FLNB: variants seen among roughly 807,000 people sequenced by gnomAD.
FLNB encodes the protein filamin-B.
In FLNB, 111 loss-of-function variants were observed where a neutral mutation model predicts 250.6. The ratio of observed to expected loss-of-function variants is 0.44; its 90% CI spans 0.38 to 0.52. The LOEUF is 0.52. Ranked by LOEUF, FLNB falls within the 20% of genes least tolerant of loss-of-function variation. The pLI, the probability that FLNB is intolerant of heterozygous loss-of-function variation, is 0.00. For missense variants in FLNB, 2,869 were observed against 3,447.8 expected (o/e 0.83, Z 4.20); for synonymous variants, 1,302 against 1,372.1 (o/e 0.95, Z 1.13).
chr3:58,169,422 TA>T lies in FLNB; in HGVS notation c.7418-167del. The T allele has an allele frequency of 1.5e-6, 1 of 668,598 alleles. No individual in the cohort carries two copies. Among genetic ancestry groups the T allele is most frequent in the Non-Finnish European group, 2.7e-6 (1 of 364,534 alleles). The allele number at this position is 668,598 out of a possible 1,614,324, so 41.4% of individuals were successfully genotyped here. On this transcript the variant is annotated intron_variant, in intron 44 of 45. Transcript: ENST00000295956. The surrounding 1 kb of genome is among the most constrained non-coding windows in gnomAD (Gnocchi z 4.8). ...TCCTAGTTGTATGGGGGTGGGATCCTAGGGGTTTAGAAGACATTATGGGTGT... is the reference window on the plus strand; with the variant it reads ...TCCTAGTTGTATGGGGGTGGGATCCTGGGGTTTAGAAGACATTATGGGTGT...
In FLNB at chr3:58,139,878, A is replaced by G. The variant is rs2097323615; in HGVS notation, c.5109+1349A>G. Among the ~76,000 whole-genome samples, 3 of 152,312 alleles carry G rather than the reference A, an allele frequency of 2.0e-5. No homozygotes were observed. The South Asian group carries it at 6.2e-4, about 32-fold the overall frequency. On this transcript the variant is annotated intron_variant, in intron 29 of 45. Transcript: ENST00000295956. ...TGATTTGGGGGTAAGAGAAGACCAT[A>G]TTGGGAAGGTCTACGTGAGAAAGTC...
At chr3:58,109,505 A>T in intron 14 of FLNB, 71 bp from the exon 15 acceptor site, 4 of 1,612,292 alleles carry the variant, frequency 2.5e-6, no homozygotes, top group Non-Finnish European at 3.4e-6. Flanking sequence ...ATTTCTAACA[A>T]TGTTTTTTAA....
At chr3:58,080,231 T>C (rs150041000) in intron 3 of FLNB, among the ~76,000 whole-genome samples, 115 of 152,308 alleles carry the variant, frequency 7.6e-4, no homozygotes, top group East Asian at 7.7e-4. Context: ...TTTTATCACA[T>C]GGGGAGGGAA....
chr3:58,123,618 G>A lies in FLNB; in HGVS notation c.3652G>A (p.Ala1218Thr), dbSNP rs370716086. ...TGGCGAACTCGTGCCACACTTCCCCGCCCGGGTCAAGGTGGAGCCCGCCGT... is the reference window on the plus strand; with the variant it reads ...TGGCGAACTCGTGCCACACTTCCCCACCCGGGTCAAGGTGGAGCCCGCCGT... ...YGGELVPHFPARVKVEPAVDT... is the reference protein window; with the variant it reads ...YGGELVPHFPTRVKVEPAVDT... Residue 1218 changes from alanine to threonine, a missense_variant, in exon 21 of 46, where the codon GCC becomes ACC. Coordinates refer to ENST00000295956, the MANE Select transcript of FLNB (RefSeq NM_001457.4). 2.9e-5 allele frequency: 46 copies of A among 1,611,566 alleles called. 1 individual carries two copies. Among genetic ancestry groups the A allele is most frequent in the African/African-American group, 8.1e-5 (6 of 74,424 alleles).
intron 1 of FLNB, among the ~76,000 whole-genome samples, chr3:58,070,009 G>A (rs889471745): frequency 7.3e-5 from 11 of 151,438 alleles, no homozygotes; most frequent in African/African-American, 2.4e-4. Context: ...ATTATTAAGC[G>A]GCCAACTGTG....
chr3:58,055,874 T>A (rs544015499), intron 1 of FLNB, among the ~76,000 whole-genome samples: 1 of 152,172 alleles, frequency 6.6e-6, no homozygotes, highest in East Asian at 1.9e-4. Flanking sequence ...TATTAAAATG[T>A]GTAATAACAA....
At chr3:58,145,151 A>G (rs1330726188) in intron 32 of FLNB, among the ~76,000 whole-genome samples, 3 of 152,226 alleles carry the variant, frequency 2.0e-5, no homozygotes, top group Admixed American at 1.3e-4. Flanking sequence ...TGTCTTTCTC[A>G]CATCTGCCAT....
At chr3:58,149,544 G>C in intron 36 of FLNB, 1 of 447,146 alleles carries the variant, frequency 2.2e-6, no homozygotes, top group Non-Finnish European at 4.1e-6. Context: ...ACTTGGAGGC[G>C]TGAGGGCAGA....
chr3:58,153,764 A>AC, intron 39 of FLNB, 123 bp downstream of exon 39: 1 of 1,130,350 alleles, frequency 8.8e-7, no homozygotes, highest in East Asian at 2.5e-5. Flanking sequence ...CATTAAGGGC[A>AC]TTATTTAAAA....
intron 33 of FLNB, 72 bp from the exon 34 acceptor site, chr3:58,146,748 T>C: frequency 6.5e-7 from 1 of 1,536,392 alleles, no homozygotes; most frequent in Non-Finnish European, 9.0e-7. Flanking sequence ...CCTGGATGAG[T>C]TGTTAAAAGG....
chr3:58,012,607 G>A (rs1425474418), intron 1 of FLNB, among the ~76,000 whole-genome samples: 1 of 152,206 alleles, frequency 6.6e-6, no homozygotes, highest in East Asian at 1.9e-4. Context: ...AAATAGGGAT[G>A]TCAGGGCCTT....
chr3:58,094,606 C>T (rs916470329), intron 4 of FLNB, among the ~76,000 whole-genome samples: 4 of 152,322 alleles, frequency 2.6e-5, no homozygotes, highest in South Asian at 4.1e-4. Context: ...ATATAGACTC[C>T]TGACTGAGGT....
At chr3:58,158,421 G>A (rs1005830802) in intron 41 of FLNB, among the ~76,000 whole-genome samples, 2 of 152,208 alleles carry the variant, frequency 1.3e-5, no homozygotes, top group African/African-American at 2.4e-5. Flanking sequence ...TTAGGACCTT[G>A]CCATGAAGAT....
chr3:58,051,095 C>T (rs546047853), intron 1 of FLNB, among the ~76,000 whole-genome samples: 1 of 152,308 alleles, frequency 6.6e-6, no homozygotes, highest in East Asian at 1.9e-4. Context: ...GTCTCTCTGA[C>T]CCCACTGTAA....
intron 1 of FLNB, among the ~76,000 whole-genome samples, chr3:58,058,897 A>T (rs1040143581): frequency 2.3e-4 from 35 of 152,216 alleles, no homozygotes; most frequent in African/African-American, 8.2e-4. Flanking sequence ...AGACTTGTTC[A>T]TAGAGGATCT....
intron 22 of FLNB, 133 bp downstream of exon 22, chr3:58,124,638 G>A (rs1242712111): frequency 2.1e-6 from 2 of 959,624 alleles, no homozygotes; most frequent in Admixed American, 2.0e-5. Flanking sequence ...GTGACAGAGT[G>A]GAAGTCAGCG....
chr3:58,045,217 A>G (rs546148512), intron 1 of FLNB, among the ~76,000 whole-genome samples: 1 of 152,334 alleles, frequency 6.6e-6, no homozygotes, highest in African/African-American at 2.4e-5. Flanking sequence ...ACTTGCATAA[A>G]TGGAATCCTA....
rs2097288579 is a variant in FLNB at position 58,121,414 on chromosome 3, C to A, written c.3037C>A (p.Leu1013Met). The A allele has an allele frequency of 1.2e-6, 2 of 1,614,124 alleles. No individual in the cohort carries two copies. ...TAKFIPREEG[L>M]YAVDVTYDGH... The stretch of plus-strand genomic sequence containing the variant: ...CAAGTTCATCCCTCGGGAGGAGGGG[C>A]TGTATGCTGTAGACGTGACCTACGA... Residue 1013 changes from leucine to methionine, a missense_variant, in exon 20 of 46, where the codon CTG becomes ATG. Transcript: ENST00000295956.
chr3:58,016,690 T>A (rs2097106288), intron 1 of FLNB, among the ~76,000 whole-genome samples: 1 of 152,108 alleles, frequency 6.6e-6, no homozygotes, highest in African/African-American at 2.4e-5. Context: ...GTTTCTACAT[T>A]TAGTTTTTTT....
Sources: gnomAD v4.1 joint callset for allele counts (sites outside exome capture counted in the v4.1 genomes callset) on GRCh38, gnomAD v4.1.1 for gene constraint, Gnocchi (gnomAD v3.1) non-coding constraint, MANE v1.5 for transcripts, NCBI Gene and HGNC (gene_info 2026-07-23, HGNC 2026-07-21) for gene names.